KHDRBS2: variants seen among roughly 807,000 people sequenced by gnomAD.
The protein encoded by KHDRBS2 is KH RNA binding domain containing, signal transduction associated 2.
Under a neutral mutation model 44.3 loss-of-function variants are expected in KHDRBS2, and 26 were observed. The observed-to-expected ratio is 0.59, with a 90% CI of 0.43 to 0.81. The LOEUF is 0.81. Ranked by LOEUF, KHDRBS2 falls within the 40% of genes least tolerant of loss-of-function variation. The pLI, the probability that KHDRBS2 is intolerant of heterozygous loss-of-function variation, is 0.00. For missense variants in KHDRBS2, 476 were observed against 433.1 expected, an observed-to-expected ratio of 1.10 and a Z score of -0.88; for synonymous variants, 194 against 151.1, an observed-to-expected ratio of 1.28 and a Z score of -2.08.
At chr6:62,241,726 T>C (rs995475182) in intron 1 of KHDRBS2, among the ~76,000 whole-genome samples, 2 of 148,340 alleles carry the variant, frequency 1.3e-5, no homozygotes, top group Non-Finnish European at 1.5e-5. Context: ...ATAAAGCAGT[T>C]GGCATGATGC....
the KHDRBS2 span, among the ~76,000 whole-genome samples, chr6:61,614,591 TC>T: frequency 1.3e-5 from 2 of 152,226 alleles, no homozygotes; most frequent in African/African-American, 4.8e-5. Flanking sequence ...TTAATGACAT[TC>T]TGGTCTACAT....
intron 2 of KHDRBS2, among the ~76,000 whole-genome samples, chr6:62,156,360 T>C (rs1343795734): frequency 6.6e-6 from 1 of 152,206 alleles, no homozygotes; most frequent in East Asian, 1.9e-4. Context: ...TTTTGAAGAC[T>C]ACATTAAATC....
chr6:62,219,948 A>G (rs2150151450), intron 1 of KHDRBS2, among the ~76,000 whole-genome samples: 1 of 147,888 alleles, frequency 6.8e-6, no homozygotes, highest in South Asian at 2.1e-4. Flanking sequence ...TAGTATATAT[A>G]TAACTGTATA....
chr6:61,759,811 G>A (rs1779016384), intron 6 of KHDRBS2, among the ~76,000 whole-genome samples: 1 of 152,126 alleles, frequency 6.6e-6, no homozygotes, highest in Non-Finnish European at 1.5e-5. Context: ...AAAATTAAAT[G>A]AACACTAGCA....
At chr6:61,897,610 C>G (rs60972132) in intron 5 of KHDRBS2, among the ~76,000 whole-genome samples, 1 of 151,950 alleles carries the variant, frequency 6.6e-6, no homozygotes, top group South Asian at 2.1e-4. Context: ...TAATCTGGCC[C>G]TATCCCTGTC....
chr6:62,067,470 G>T (rs927679872), intron 2 of KHDRBS2, among the ~76,000 whole-genome samples: 1 of 151,376 alleles, frequency 6.6e-6, no homozygotes, highest in African/African-American at 2.4e-5. Flanking sequence ...ACTCTTCATT[G>T]TACTGAGTGT....
chr6:61,884,766 G>A (rs568654745), intron 6 of KHDRBS2, among the ~76,000 whole-genome samples: 3 of 152,076 alleles, frequency 2.0e-5, no homozygotes, highest in African/African-American at 7.2e-5. Context: ...TTCTAGCTAA[G>A]CACAGAACAG....
At chr6:62,012,084 A>T (rs1180054473) in intron 3 of KHDRBS2, among the ~76,000 whole-genome samples, 1 of 144,888 alleles carries the variant, frequency 6.9e-6, no homozygotes, top group Non-Finnish European at 1.6e-5. Flanking sequence ...TACTCATATA[A>T]CAATCCCCTT....
intron 7 of KHDRBS2, among the ~76,000 whole-genome samples, chr6:61,703,590 G>T (rs1769023221): frequency 6.6e-6 from 1 of 151,794 alleles, no homozygotes; most frequent in Non-Finnish European, 1.5e-5. Flanking sequence ...TCCTCAAATT[G>T]CAAATTGATA....
the KHDRBS2 span, among the ~76,000 whole-genome samples, chr6:61,664,439 AAAC>A: frequency 2.9e-3 from 443 of 151,846 alleles, no homozygotes; most frequent in African/African-American, 9.4e-3. Context: ...CATAGGAAAA[AAAC>A]AACAACAAGA....
intron 2 of KHDRBS2, among the ~76,000 whole-genome samples, chr6:62,084,989 T>C (rs1400055337): frequency 6.6e-6 from 1 of 152,152 alleles, no homozygotes; most frequent in Admixed American, 6.6e-5. Context: ...CTTAAATGTG[T>C]GCAGGCAAAA....
chr6:62,048,127 C>CACAT (rs1788134580), intron 2 of KHDRBS2, 133 bp from the exon 3 acceptor site: 1 of 573,366 alleles, frequency 1.7e-6, no homozygotes, highest in Admixed American at 2.9e-5. Context: ...AACATACACA[C>CACAT]ACACACACAC....
intron 2 of KHDRBS2, among the ~76,000 whole-genome samples, chr6:62,154,859 A>T (rs1355886673): frequency 6.6e-6 from 1 of 152,232 alleles, no homozygotes; most frequent in Non-Finnish European, 1.5e-5. Flanking sequence ...CAAAACAGGT[A>T]AGTGACTAAT....
chr6:62,131,661 G>A (rs141572381), intron 2 of KHDRBS2, among the ~76,000 whole-genome samples: 4 of 152,240 alleles, frequency 2.6e-5, no homozygotes, highest in East Asian at 3.9e-4. Flanking sequence ...TCATCCTCTG[G>A]TTTCCTATTG....
chr6:62,215,711 A>G (rs1387185759), intron 1 of KHDRBS2, among the ~76,000 whole-genome samples: 1 of 151,820 alleles, frequency 6.6e-6, no homozygotes, highest in Non-Finnish European at 1.5e-5. Context: ...TTGGTTTCAT[A>G]ACTCCAGAAT....
the KHDRBS2 span, among the ~76,000 whole-genome samples, chr6:61,623,896 G>T: frequency 8.2e-3 from 1,252 of 152,282 alleles, 20 homozygotes; most frequent in African/African-American, 0.028. Context: ...AAACACAGTG[G>T]AGAGAGAAAC....
At chr6:61,899,743 C>A (rs79241748) in intron 5 of KHDRBS2, among the ~76,000 whole-genome samples, 2 of 140,182 alleles carry the variant, frequency 1.4e-5, no homozygotes, top group East Asian at 2.4e-4. Context: ...GCCCCCCCCC[C>A]GCATTTTAAG....
At chr6:62,059,080 C>A (rs531516938) in intron 2 of KHDRBS2, among the ~76,000 whole-genome samples, 7 of 149,540 alleles carry the variant, frequency 4.7e-5, no homozygotes, top group Non-Finnish European at 1.0e-4. Flanking sequence ...AGGGGCTGTA[C>A]ATAAACAATT....
At chr6:62,126,127 G>T (rs1160388736) in intron 2 of KHDRBS2, among the ~76,000 whole-genome samples, 26 of 152,146 alleles carry the variant, frequency 1.7e-4, no homozygotes, top group Admixed American at 1.6e-3. Context: ...CCTGAAAGGA[G>T]AGTCCTAGGC....
Sources: allele counts gnomAD v4.1 joint callset (sites outside exome capture counted in the v4.1 genomes callset), GRCh38; gene constraint gnomAD v4.1.1; transcripts MANE v1.5; gene names NCBI Gene and HGNC (gene_info 2026-07-23, HGNC 2026-07-21).